SYCE2: variants seen among roughly 807,000 people sequenced by gnomAD.
SYCE2 encodes synaptonemal complex central element protein 2.
SYCE2 carries 3 observed loss-of-function variants against 27.9 expected under a neutral mutation model. That is an observed-to-expected ratio of 0.11 (90% CI 0.05 to 0.28). SYCE2 has a LOEUF of 0.28. Ranked by LOEUF, SYCE2 falls within the 10% of genes least tolerant of loss-of-function variation. The pLI is 1.00. For synonymous variants in SYCE2, 85 were observed against 100.7 expected, an observed-to-expected ratio of 0.84 and a Z score of 0.93; for missense variants, 207 against 263.5, an observed-to-expected ratio of 0.79 and a Z score of 1.48.
Position 12,899,252 on chromosome 19 carries a change from T to C in SYCE2, c.*89A>G. ...TCTGCCAAGATGCATTATAGAACCA[T>C]GAAAAACAATTTCTCAGTGTGGCCC... is the stretch of plus-strand genomic sequence containing the variant. On this transcript the variant is annotated 3_prime_UTR_variant, in exon 6 of 6. Transcript: ENST00000293695. The C allele has an allele frequency of 8.1e-7, 1 of 1,239,990 alleles. No homozygotes were observed. The highest frequency in any genetic ancestry group is 1.2e-6 in the Non-Finnish European group (1 of 844,138). 76.8% of individuals were successfully genotyped at this position (1,239,990 alleles called of 1,614,324 possible). A position where few individuals can be genotyped will look rare whatever the true frequency, so the allele number is the denominator to read the frequency against.
At position 12,917,659 on chromosome 19, in the gene SYCE2, C is replaced by CTTTTTTTTTTTTT. The variant is rs71168635; in HGVS notation, c.131+550_131+562dup. Among the ~76,000 whole-genome samples the CTTTTTTTTTTTTT allele has an allele frequency of 7.1e-3, 565 of 79,274 alleles. 51 individuals are homozygous for CTTTTTTTTTTTTT. Among genetic ancestry groups the CTTTTTTTTTTTTT allele is most frequent in the Non-Finnish European group, 8.5e-3 (388 of 45,670 alleles). 52.0% of individuals were successfully genotyped at this position (79,274 alleles called of 152,430 possible). On this transcript the variant is annotated intron_variant, in intron 2 of 5. Coordinates refer to ENST00000293695, the MANE Select transcript of SYCE2 (RefSeq NM_001105578.2). ...TACAGGCATAAGCCACCATTCCTGGCTTTTTTTTTTTTTTTTTGAGACAGC... is the reference window on the plus strand; with the variant it reads ...TACAGGCATAAGCCACCATTCCTGGCTTTTTTTTTTTTTTTTTTTTTTTTTTTTTTGAGACAGC...
intron 2 of SYCE2, among the ~76,000 whole-genome samples, chr19:12,905,392 C>T (rs570610547): frequency 2.6e-5 from 4 of 152,010 alleles, no homozygotes; most frequent in East Asian, 1.9e-4. Flanking sequence ...AGTGCAGTGG[C>T]GCGATCTCGG....
chr19:12,901,186 A>AAATG (rs1970830308), intron 3 of SYCE2, among the ~76,000 whole-genome samples: 1 of 147,284 alleles, frequency 6.8e-6, no homozygotes, highest in African/African-American at 2.6e-5. Context: ...ATAAATAAAT[A>AAATG]AATAAATAAA....
chr19:12,914,738 T>C (rs961576646), intron 2 of SYCE2, among the ~76,000 whole-genome samples: 5 of 152,220 alleles, frequency 3.3e-5, no homozygotes, highest in African/African-American at 1.2e-4. Flanking sequence ...CCCTCCCAAG[T>C]AGCTGGGATT....
At chr19:12,901,169 AAAATAAATAAATAAAT>A (rs368396066) in intron 3 of SYCE2, among the ~76,000 whole-genome samples, 415 of 140,830 alleles carry the variant, frequency 2.9e-3, no homozygotes, top group Non-Finnish European at 2.7e-3. Context: ...ACTCCATCTC[AAAATAAATAAATAAAT>A]AAATAAATAA....
chr19:12,915,137 A>G (rs921860322), intron 2 of SYCE2, among the ~76,000 whole-genome samples: 2 of 152,260 alleles, frequency 1.3e-5, no homozygotes, highest in Non-Finnish European at 2.9e-5. Flanking sequence ...CTCATGTGGA[A>G]TATTATTCAG....
chr19:12,905,571 TC>T (rs1970919465), intron 2 of SYCE2, among the ~76,000 whole-genome samples: 1 of 152,114 alleles, frequency 6.6e-6, no homozygotes, highest in South Asian at 2.1e-4. Context: ...GACCTCGTGA[TC>T]CGCCCGCCTC....
intron 2 of SYCE2, among the ~76,000 whole-genome samples, chr19:12,905,542 A>G (rs1282539661): frequency 1.3e-5 from 2 of 152,166 alleles, no homozygotes; most frequent in Admixed American, 6.5e-5. Context: ...CGTGTTAGCC[A>G]GGATGGTCTC....
intron 2 of SYCE2, among the ~76,000 whole-genome samples, chr19:12,913,475 A>T (rs1244184461): frequency 1.3e-5 from 2 of 152,184 alleles, no homozygotes; most frequent in African/African-American, 4.8e-5. Context: ...CTAATCAAAC[A>T]TTCAAGGGGG....
chr19:12,899,862 C>T (rs1970795532), intron 5 of SYCE2, 142 bp downstream of exon 5: 1 of 1,587,872 alleles, frequency 6.3e-7, no homozygotes, highest in African/African-American at 1.3e-5. Flanking sequence ...CTGACCCCCT[C>T]ACACTGAGTT....
chr19:12,899,608 A>G lies in SYCE2; in HGVS notation c.613-223T>C, dbSNP rs1432502748. Reference sequence around the variant, plus strand: ...GAGAGATGCCTGGCTGGACCGTAGGAGCGCTGTGCTCTGAGCTTAGAAAGG... The same window carrying G: ...GAGAGATGCCTGGCTGGACCGTAGGGGCGCTGTGCTCTGAGCTTAGAAAGG... On this transcript the variant is annotated intron_variant, in intron 5 of 5. Transcript: ENST00000293695. 3.1e-6 allele frequency: 5 copies of G among 1,613,650 alleles called. No homozygotes were observed. The East Asian group carries it at 8.9e-5, about 29-fold the overall frequency.
At position 12,900,139 on chromosome 19, in the gene SYCE2, G is replaced by A; in HGVS notation, c.496-19C>T. The A allele has an allele frequency of 1.3e-6, 2 of 1,597,978 alleles. No individual in the cohort carries two copies. Among genetic ancestry groups the A allele is most frequent in the Non-Finnish European group, 1.7e-6 (2 of 1,174,392 alleles). ...GGCTCTGCTGTAAAAAAGAAACCCA[G>A]GTTAGCAGTGCCGGTCTGTGCCAGG... On this transcript the variant is annotated intron_variant, in intron 4 of 5. Coordinates refer to ENST00000293695, the MANE Select transcript of SYCE2 (RefSeq NM_001105578.2).
intron 2 of SYCE2, among the ~76,000 whole-genome samples, chr19:12,905,613 G>A (rs28377664): frequency 6.8e-4 from 103 of 152,090 alleles, no homozygotes; most frequent in African/African-American, 2.5e-3. Context: ...TTACAGGCGT[G>A]AGCCACCGCG....
At position 12,899,208 on chromosome 19, in the gene SYCE2, C is replaced by CTT; in HGVS notation, c.*131_*132dup. ...CATTTTGGGAGTTCAGCACAAGGAG[C>CTT]TTTGGGTTTTTGTTTTTTTCTGCCA... On this transcript the variant is annotated 3_prime_UTR_variant, in exon 6 of 6. Coordinates refer to ENST00000293695, the MANE Select transcript of SYCE2 (RefSeq NM_001105578.2). The CTT allele has an allele frequency of 2.5e-6, 2 of 805,836 alleles. No individual in the cohort carries two copies. Among genetic ancestry groups the CTT allele is most frequent in the South Asian group, 3.2e-5 (2 of 62,414 alleles). The allele number at this position is 805,836 out of a possible 1,614,324, so 49.9% of individuals were successfully genotyped here. A position where few individuals can be genotyped will look rare whatever the true frequency, so the allele number is the denominator to read the frequency against.
intron 2 of SYCE2, 40 bp downstream of exon 2, chr19:12,918,181 CA>C (rs1165078624): frequency 6.5e-7 from 1 of 1,535,792 alleles, no homozygotes; most frequent in South Asian, 1.1e-5. Context: ...GAGAGGGACC[CA>C]GGGGCCTGTG....
At chr19:12,913,399 T>C (rs1449658401) in intron 2 of SYCE2, among the ~76,000 whole-genome samples, 1 of 152,104 alleles carries the variant, frequency 6.6e-6, no homozygotes, top group African/African-American at 2.4e-5. Context: ...CTAACAGATA[T>C]ACAAGTAAAC....
At chr19:12,911,043 T>C (rs1163288077) in intron 2 of SYCE2, among the ~76,000 whole-genome samples, 4 of 151,822 alleles carry the variant, frequency 2.6e-5, no homozygotes, top group Non-Finnish European at 5.9e-5. Context: ...TCAGTACAAT[T>C]ACTGCAACTT....
intron 5 of SYCE2, chr19:12,899,665 A>G: frequency 6.2e-7 from 1 of 1,612,356 alleles, no homozygotes; most frequent in Non-Finnish European, 8.5e-7. Flanking sequence ...AGTGAGAGAC[A>G]CTGATTTTTA....
chr19:12,899,332 C>T lies in SYCE2; in HGVS notation c.*9G>A, dbSNP rs371416403. On this transcript the variant is annotated 3_prime_UTR_variant, in exon 6 of 6. Coordinates refer to ENST00000293695, the MANE Select transcript of SYCE2 (RefSeq NM_001105578.2). Reference sequence around the variant, plus strand: ...GACTGTCACTAAGGCGTGAGTCTCCCGGCAGCTGTCAGCATTCACCATCTC... The same window carrying T: ...GACTGTCACTAAGGCGTGAGTCTCCTGGCAGCTGTCAGCATTCACCATCTC... 2.4e-5 allele frequency: 39 copies of T among 1,612,630 alleles called. No homozygotes were observed. Among genetic ancestry groups the T allele is most frequent in the East Asian group, 6.7e-5 (3 of 44,890 alleles).
Sources: gnomAD v4.1 joint callset for allele counts (sites outside exome capture counted in the v4.1 genomes callset) on GRCh38, gnomAD v4.1.1 for gene constraint, MANE v1.5 for transcripts, NCBI Gene and HGNC (gene_info 2026-07-23, HGNC 2026-07-21) for gene names.